Variants in PIK3CB observed in about 807,000 individuals in gnomAD.
PIK3CB encodes the protein phosphatidylinositol 4,5-bisphosphate 3-kinase catalytic subunit beta isoform.
PIK3CB carries 39 observed loss-of-function variants against 136.8 expected under a neutral mutation model. That is an observed-to-expected ratio of 0.29 (90% CI 0.22 to 0.37). The LOEUF (loss-of-function observed/expected upper bound fraction) is 0.37, where lower values mean the gene tolerates loss of function less well. Among genes scored for constraint, PIK3CB ranks in the 10% least tolerant of loss-of-function variants. The pLI, the probability that PIK3CB is intolerant of heterozygous loss-of-function variation, is 1.00. For missense variants in PIK3CB, 868 were observed against 1,275.4 expected (o/e 0.68, Z 4.87); for synonymous variants, 428 against 436.6 (o/e 0.98, Z 0.25).
At chr3:138,686,535 A>G (rs1441318663) in intron 16 of PIK3CB, among the ~76,000 whole-genome samples, 1 of 152,240 alleles carries the variant, frequency 6.6e-6, no homozygotes, top group African/African-American at 2.4e-5. Context: ...CATAAAATTC[A>G]TAACAACTTC....
chr3:138,654,838 CA>C lies in PIK3CB; in HGVS notation c.*550del, dbSNP rs2043165785. On this transcript the variant is annotated 3_prime_UTR_variant, in exon 24 of 24. Coordinates refer to ENST00000674063, the MANE Select transcript of PIK3CB (RefSeq NM_006219.3). ...ATGCTATCATGGAAATAAATATTAA[CA>C]AAAGAATTAATGAGTATCCACAGGT... 4.8e-6 allele frequency: 1 copy of C among 210,222 alleles called. No homozygotes were observed. The highest frequency in any genetic ancestry group is 9.7e-6 in the Non-Finnish European group (1 of 103,620). The allele number at this position is 210,222 out of a possible 1,614,324, so 13.0% of individuals were successfully genotyped here.
At chr3:138,724,807 G>A (rs755414352) in intron 8 of PIK3CB, among the ~76,000 whole-genome samples, 11 of 152,128 alleles carry the variant, frequency 7.2e-5, no homozygotes, top group East Asian at 5.8e-4. Flanking sequence ...AAGCCACGGC[G>A]GAGACCAAAT....
intron 11 of PIK3CB, among the ~76,000 whole-genome samples, chr3:138,705,326 A>G (rs2044358084): frequency 6.6e-6 from 1 of 152,058 alleles, no homozygotes; most frequent in African/African-American, 2.4e-5. Flanking sequence ...GTCACAGCTA[A>G]AACTATTAAA....
chr3:138,667,125 C>T (rs985083493), intron 19 of PIK3CB, among the ~76,000 whole-genome samples: 3 of 149,668 alleles, frequency 2.0e-5, no homozygotes, highest in African/African-American at 7.4e-5. Flanking sequence ...AGGAGAATCG[C>T]TTGAACCCAG....
intron 14 of PIK3CB, among the ~76,000 whole-genome samples, chr3:138,692,360 C>T (rs561716340): frequency 6.6e-6 from 1 of 152,324 alleles, no homozygotes; most frequent in South Asian, 2.1e-4. Flanking sequence ...ACGGAATACA[C>T]GGATCACTGC....
intron 10 of PIK3CB, among the ~76,000 whole-genome samples, chr3:138,711,894 A>G (rs1235250963): frequency 1.3e-5 from 2 of 151,964 alleles, no homozygotes; most frequent in Non-Finnish European, 2.9e-5. Context: ...GGATCACTTG[A>G]GGCCAGGAGT....
chr3:138,772,840 C>T (rs563122172), intron 2 of PIK3CB, among the ~76,000 whole-genome samples: 63 of 138,140 alleles, frequency 4.6e-4, no homozygotes, highest in African/African-American at 1.7e-3. Flanking sequence ...GGCTAGAATG[C>T]GGTGGTGTGA....
intron 1 of PIK3CB, among the ~76,000 whole-genome samples, chr3:138,810,700 C>T (rs767638481): frequency 4.6e-5 from 7 of 151,734 alleles, no homozygotes; most frequent in African/African-American, 7.3e-5. Flanking sequence ...GGATGGATCA[C>T]GAGGTCAGGA....
In PIK3CB at chr3:138,728,468, T is replaced by C. The variant is rs114201682; in HGVS notation, c.1050+4893A>G. 2.6e-3 allele frequency among the ~76,000 whole-genome samples: 393 copies of C among 151,980 alleles called. 1 individual carries two copies. Among genetic ancestry groups the C allele is most frequent in the African/African-American group, 9.1e-3 (379 of 41,462 alleles). ...TGAACATTATTTCAGAAAAGTAAGG[T>C]TGGTTTCAACTTTTGAAAACCAATG... On this transcript the variant is annotated intron_variant, in intron 8 of 23. Transcript: ENST00000674063.
intron 1 of PIK3CB, chr3:138,826,009 C>T: frequency 6.8e-7 from 1 of 1,462,086 alleles, no homozygotes; most frequent in Non-Finnish European, 9.5e-7. Context: ...TCAGTGCTGG[C>T]TATGCCACTG....
chr3:138,653,026 A>T lies in PIK3CB; in HGVS notation c.*2363T>A, dbSNP rs2043143731. On this transcript the variant is annotated 3_prime_UTR_variant, in exon 24 of 24. Transcript: ENST00000674063. Reference sequence around the variant, plus strand: ...TTACAATAAAGTCACTTACCCAGGAATCTAACAAACGATGCATAATATGTA... The same window carrying T: ...TTACAATAAAGTCACTTACCCAGGATTCTAACAAACGATGCATAATATGTA... The T allele has an allele frequency of 4.8e-6, 1 of 208,206 alleles. No homozygotes were observed. The highest frequency in any genetic ancestry group is 2.3e-5 in the African/African-American group (1 of 44,014). 12.9% of individuals were successfully genotyped at this position (208,206 alleles called of 1,614,324 possible).
Position 138,654,330 on chromosome 3 carries a change from C to G in PIK3CB, c.*1059G>C, listed in dbSNP as rs2108377804. The G allele has an allele frequency of 4.6e-6, 1 of 218,864 alleles. No homozygotes were observed. The highest frequency in any genetic ancestry group is 1.8e-4 in the South Asian group (1 of 5,426). The allele number at this position is 218,864 out of a possible 1,614,324, so 13.6% of individuals were successfully genotyped here. ...AAATATATGGTACCTCAACAAATAA[C>G]TTAAAGATTTCCGTGTGGCGTGAAA... On this transcript the variant is annotated 3_prime_UTR_variant, in exon 24 of 24. Coordinates refer to ENST00000674063, the MANE Select transcript of PIK3CB (RefSeq NM_006219.3).
At chr3:138,831,050 A>G (rs190835946) in intron 1 of PIK3CB, among the ~76,000 whole-genome samples, 2,121 of 150,114 alleles carry the variant, frequency 0.014, 23 homozygotes, top group Non-Finnish European at 0.02. Context: ...TGGGAGGCCA[A>G]GGCGGGCGGA....
At chr3:138,729,758 C>T (rs1477809877) in intron 8 of PIK3CB, among the ~76,000 whole-genome samples, 3 of 152,236 alleles carry the variant, frequency 2.0e-5, no homozygotes, top group Non-Finnish European at 2.9e-5. Context: ...CAGTTGCCCA[C>T]CTCCATAATC....
chr3:138,733,471 T>C (rs1313678690), intron 7 of PIK3CB, 33 bp from the exon 8 acceptor site: 1 of 1,088,122 alleles, frequency 9.2e-7, no homozygotes. Flanking sequence ...CAAATTATTT[T>C]AATGAAAGAA....
At chr3:138,707,480 A>C (rs1576342868) in intron 10 of PIK3CB, 191 bp from the exon 11 acceptor site, 2 of 1,335,376 alleles carry the variant, frequency 1.5e-6, no homozygotes, top group East Asian at 3.1e-5. Flanking sequence ...GTGAGTTTGC[A>C]TACATGTTTT....
chr3:138,755,165 C>G (rs2108718354), intron 4 of PIK3CB, among the ~76,000 whole-genome samples: 1 of 152,304 alleles, frequency 6.6e-6, no homozygotes, highest in Admixed American at 6.5e-5. Flanking sequence ...TTTATGGAAA[C>G]ATCAAACAGC....
intron 1 of PIK3CB, among the ~76,000 whole-genome samples, chr3:138,811,888 A>G (rs546195425): frequency 6.6e-6 from 1 of 152,246 alleles, no homozygotes; most frequent in African/African-American, 2.4e-5. Flanking sequence ...CAGGAGTTCA[A>G]GACCAGCCTG....
chr3:138,790,464 A>G (rs913268447), intron 2 of PIK3CB, among the ~76,000 whole-genome samples: 31 of 151,204 alleles, frequency 2.1e-4, no homozygotes, highest in Non-Finnish European at 4.0e-4. Context: ...AAAAAAAAAA[A>G]GCAAAATGAT....
Sources: allele counts gnomAD v4.1 joint callset (sites outside exome capture counted in the v4.1 genomes callset), GRCh38; gene constraint gnomAD v4.1.1; transcripts MANE v1.5; gene names NCBI Gene and HGNC (gene_info 2026-07-23, HGNC 2026-07-21).